Variants in MAP7D1 observed in about 807,000 individuals in gnomAD.
MAP7D1 encodes MAP7 domain-containing protein 1.
Under a neutral mutation model 97.5 loss-of-function variants are expected in MAP7D1, and 30 were observed. The ratio of observed to expected loss-of-function variants is 0.31; its 90% CI spans 0.23 to 0.42. The LOEUF (loss-of-function observed/expected upper bound fraction) is 0.42, where lower values mean the gene tolerates loss of function less well. MAP7D1 is among the 10% of genes least tolerant of loss of function. The pLI, the probability that MAP7D1 is intolerant of heterozygous loss-of-function variation, is 1.00. For missense variants in MAP7D1, 1,184 were observed against 1,179.5 expected (o/e 1.00, Z -0.06); for synonymous variants, 536 against 477.1 (o/e 1.12, Z -1.61).
At position 36,179,950 on chromosome 1, in the gene MAP7D1, T is replaced by C; in HGVS notation, c.2395T>C (p.Ser799Pro). 3 of 1,614,182 alleles carry C rather than the reference T, an allele frequency of 1.9e-6. No individual in the cohort carries two copies. Among genetic ancestry groups the C allele is most frequent in the Non-Finnish European group, 2.5e-6 (3 of 1,180,012 alleles). Residue 799 changes from serine (S) to proline (P), a missense_variant, in exon 16 of 17, where the codon TCC becomes CCC. Physicochemically the swap from Ser to Pro is moderately conservative, Grantham distance 74. Transcript: ENST00000474796. ...CCCAGCACACCAGGAGAATGGCTTC[T>C]CCACCAACGGACCCTCTGGGGACAA... Reference protein sequence around the residue: ...PLPAHQENGFSTNGPSGDKSL... With the variant: ...PLPAHQENGFPTNGPSGDKSL...
chr1:36,167,469 G>A (rs1040523254), intron 1 of MAP7D1, among the ~76,000 whole-genome samples: 7 of 152,160 alleles, frequency 4.6e-5, no homozygotes, highest in Non-Finnish European at 1.0e-4. Flanking sequence ...TGGGGGTAAG[G>A]CCTGGCTGAA....
intron 1 of MAP7D1, among the ~76,000 whole-genome samples, chr1:36,161,563 A>C (rs1644408937): frequency 6.6e-6 from 1 of 152,242 alleles, no homozygotes; most frequent in Non-Finnish European, 1.5e-5. Context: ...GGATTATGGC[A>C]AAGGTTAAAT....
Position 36,172,632 on chromosome 1 carries a change from G to A in MAP7D1, c.624+5G>A, listed in dbSNP as rs372598207. 17 of 1,562,868 alleles carry A rather than the reference G, an allele frequency of 1.1e-5. No homozygotes were observed. The highest frequency in any genetic ancestry group is 3.4e-5 in the South Asian group (3 of 87,784). On this transcript the variant is annotated splice_donor_5th_base_variant and intron_variant, in intron 4 of 16. Transcript: ENST00000474796. ...CAGAAGCTCGAGAAAAACAAGGTGCGGGATGGGTCTCCGTGAATCCATGTA... is the reference window on the plus strand; with the variant it reads ...CAGAAGCTCGAGAAAAACAAGGTGCAGGATGGGTCTCCGTGAATCCATGTA...
intron 6 of MAP7D1, 22 bp downstream of exon 6, chr1:36,175,030 C>A (rs1489084520): frequency 2.0e-6 from 3 of 1,525,128 alleles, no homozygotes; most frequent in South Asian, 2.2e-5. Context: ...CCCAGCCCTT[C>A]CCCCTCCAGA....
chr1:36,161,240 C>T (rs1421865974), intron 1 of MAP7D1, among the ~76,000 whole-genome samples: 1 of 152,240 alleles, frequency 6.6e-6, no homozygotes. Flanking sequence ...CACTCCCTCT[C>T]GGAGCCGGCT....
intron 1 of MAP7D1, among the ~76,000 whole-genome samples, chr1:36,168,358 T>C (rs1644499090): frequency 6.6e-6 from 1 of 151,578 alleles, no homozygotes; most frequent in African/African-American, 2.4e-5. Context: ...GTGGATCACT[T>C]TGCAGGTTGG....
chr1:36,174,258 T>C (rs977395183), intron 5 of MAP7D1, among the ~76,000 whole-genome samples: 16 of 152,342 alleles, frequency 1.1e-4, no homozygotes, highest in Non-Finnish European at 2.2e-4. Flanking sequence ...CATCAACAAA[T>C]GTGAGCTGCT....
intron 1 of MAP7D1, among the ~76,000 whole-genome samples, chr1:36,164,062 G>A (rs759680876): frequency 6.6e-6 from 1 of 152,002 alleles, no homozygotes; most frequent in Non-Finnish European, 1.5e-5. Context: ...GGGCTCAAAC[G>A]ATCTGCTCTC....
chr1:36,162,259 C>T (rs1644423122), intron 1 of MAP7D1, among the ~76,000 whole-genome samples: 2 of 152,224 alleles, frequency 1.3e-5, no homozygotes, highest in African/African-American at 2.4e-5. Flanking sequence ...CCCTACCTCA[C>T]TTCCCGCCTC....
Position 36,179,926 on chromosome 1 carries a change from C to G in MAP7D1, c.2371C>G (p.Pro791Ala). The stretch of plus-strand genomic sequence containing the variant: ...CCTGGTGAATGGCCTGCAGCCTCTC[C>G]CAGCACACCAGGAGAATGGCTTCTC... ...ASLVNGLQPL[P>A]AHQENGFSTN... The change falls in exon 16 of 17, where the codon CCA (proline) becomes GCA (alanine). Residue 791 changes from proline (P) to alanine (A), a missense_variant. By Grantham distance (27) the Pro-to-Ala change is conservative (BLOSUM62 -1). Coordinates refer to ENST00000474796, the MANE Select transcript of MAP7D1 (RefSeq NM_001388490.1). 1 of 1,614,132 alleles carries G rather than the reference C, an allele frequency of 6.2e-7. No individual in the cohort carries two copies. The highest frequency in any genetic ancestry group is 1.1e-5 in the South Asian group (1 of 91,088).
At position 36,172,486 on chromosome 1, in the gene MAP7D1, G is replaced by A. The variant is rs1644558339; in HGVS notation, c.483G>A (p.Leu161=). 1.3e-6 allele frequency: 2 copies of A among 1,590,924 alleles called. No individual in the cohort carries two copies. Among genetic ancestry groups the A allele is most frequent in the African/African-American group, 1.3e-5 (1 of 74,508 alleles). ...KYLAAKKAVW[L]EKEEKAKALR... is the part of the protein sequence containing the mutation. ...CAGCGGCCAAGAAGGCAGTGTGGCT[G>A]GAGAAGGAGGAGAAGGCCAAGGCGC... The change falls in exon 4 of 17, where the codon CTG becomes CTA. Residue 161 remains leucine, a synonymous_variant. Transcript: ENST00000474796.
At chr1:36,164,627 G>C (rs1022074101) in intron 1 of MAP7D1, among the ~76,000 whole-genome samples, 2 of 152,186 alleles carry the variant, frequency 1.3e-5, no homozygotes, top group Non-Finnish European at 2.9e-5. Flanking sequence ...GGGGAGCAGG[G>C]TAGGAGAGGA....
rs953635384 is a variant in MAP7D1, at chr1:36,176,125, G to A, written c.851-74G>A. ...TGGCCTTGGCATGGGGATGGTGCCTGGTCTGCTCCCTTGCCTCTTCCTGCC... is the reference window on the plus strand; with the variant it reads ...TGGCCTTGGCATGGGGATGGTGCCTAGTCTGCTCCCTTGCCTCTTCCTGCC... On this transcript the variant is annotated intron_variant, in intron 6 of 16. Transcript: ENST00000474796. This position sits in a 1 kb window ranked among gnomAD's most constrained non-coding sequence, Gnocchi z 6.1. 5.2e-6 allele frequency: 8 copies of A among 1,547,156 alleles called. No individual in the cohort carries two copies. In the East Asian group the frequency reaches 1.9e-4, roughly 37 times the overall value.
chr1:36,165,729 CTTT>C (rs34713399), intron 1 of MAP7D1, among the ~76,000 whole-genome samples: 4 of 118,260 alleles, frequency 3.4e-5, no homozygotes, highest in Non-Finnish European at 3.4e-5. Flanking sequence ...CAGTTTGTAG[CTTT>C]TTTTTTTTTT....
chr1:36,172,235 C>T, intron 3 of MAP7D1: 1 of 387,070 alleles, frequency 2.6e-6, no homozygotes, highest in South Asian at 9.9e-5. Flanking sequence ...TCCTTCAGCC[C>T]TGAGAGCCCA....
Position 36,171,703 on chromosome 1 carries a change from C to T in MAP7D1, c.460+122C>T, listed in dbSNP as rs111414537. The T allele has an allele frequency of 1.7e-4, 165 of 968,364 alleles. No homozygotes were observed. The East Asian group carries it at 2.1e-3, about 12-fold the overall frequency. 60.0% of individuals were successfully genotyped at this position (968,364 alleles called of 1,614,324 possible). A position where few individuals can be genotyped will look rare whatever the true frequency, so the allele number is the denominator to read the frequency against. Reference sequence around the variant, plus strand: ...ATCCCAGCACTTTGGGAGGCCGAGGCGGGCGAATCACCTGAGGTCAGGAGT... The same window carrying T: ...ATCCCAGCACTTTGGGAGGCCGAGGTGGGCGAATCACCTGAGGTCAGGAGT... On this transcript the variant is annotated intron_variant, in intron 3 of 16. Coordinates refer to ENST00000474796, the MANE Select transcript of MAP7D1 (RefSeq NM_001388490.1).
chr1:36,174,666 A>G (rs114240860), intron 5 of MAP7D1, among the ~76,000 whole-genome samples: 1 of 151,742 alleles, frequency 6.6e-6, no homozygotes, highest in Non-Finnish European at 1.5e-5. Flanking sequence ...AGTTTTACTC[A>G]TCTCCTCCCT....
rs1291249097 is a variant in MAP7D1 at position 36,178,818 on chromosome 1, A to C, written c.2020A>C (p.Lys674Gln). ...AEQEEQERLQ[K>Q]QKEEAEARSR... ...GCAGGAGGAGCAGGAGCGGCTGCAG[A>C]AGCAGGTGCCCCCGGCGGGCGGGAA... The change falls in exon 11 of 17, where the codon AAG (lysine) becomes CAG (glutamine). Residue 674 changes from lysine (K) to glutamine (Q), a missense_variant. Lys to Gln is a moderately conservative substitution (Grantham distance 53). Transcript: ENST00000474796. 1.3e-6 allele frequency: 2 copies of C among 1,540,684 alleles called. No homozygotes were observed. The highest frequency in any genetic ancestry group is 4.0e-5 in the Admixed American group (2 of 49,918).
At chr1:36,161,234 C>T (rs1032683210) in intron 1 of MAP7D1, among the ~76,000 whole-genome samples, 27 of 152,352 alleles carry the variant, frequency 1.8e-4, no homozygotes, top group African/African-American at 4.1e-4. Flanking sequence ...CTAGGGCACT[C>T]CCTCTCGGAG....
Sources: gnomAD v4.1 joint callset for allele counts (sites outside exome capture counted in the v4.1 genomes callset) on GRCh38, gnomAD v4.1.1 for gene constraint, Gnocchi (gnomAD v3.1) non-coding constraint, MANE v1.5 for transcripts, NCBI Gene and HGNC (gene_info 2026-07-23, HGNC 2026-07-21) for gene names.